Variants in PDZRN3 observed in about 807,000 individuals in gnomAD.
The protein encoded by PDZRN3 is E3 ubiquitin-protein ligase PDZRN3.
A neutral mutation model predicts 85.7 loss-of-function variants in PDZRN3; 38 were observed. The observed-to-expected ratio is 0.44, with a 90% CI of 0.34 to 0.58. The LOEUF (loss-of-function observed/expected upper bound fraction) is 0.58, where lower values mean the gene tolerates loss of function less well. Among genes scored for constraint, PDZRN3 ranks in the 20% least tolerant of loss-of-function variants. The probability of loss-of-function intolerance (pLI) is 0.01; values close to 1 mark genes in which losing one functional copy is unlikely to be tolerated. For missense variants in PDZRN3, 1,629 were observed against 1,506.4 expected (o/e 1.08, Z -1.35); for synonymous variants, 759 against 638.0 (o/e 1.19, Z -2.86).
chr3:73,560,954 G>A (rs1701803637), intron 3 of PDZRN3, among the ~76,000 whole-genome samples: 1 of 152,178 alleles, frequency 6.6e-6, no homozygotes, highest in African/African-American at 2.4e-5. Context: ...AGAGAAGCAG[G>A]GAAGACAAGG....
intron 5 of PDZRN3, among the ~76,000 whole-genome samples, chr3:73,395,308 T>C (rs1701612927): frequency 6.6e-6 from 1 of 152,266 alleles, no homozygotes; most frequent in Admixed American, 6.5e-5. Context: ...CAATATGTTA[T>C]CTGTCTGTGA....
chr3:73,439,816 G>T (rs985845616), intron 3 of PDZRN3, among the ~76,000 whole-genome samples: 2 of 151,684 alleles, frequency 1.3e-5, no homozygotes, highest in African/African-American at 4.9e-5. Flanking sequence ...TCGGCTCACT[G>T]CAACCTCCAC....
intron 3 of PDZRN3, among the ~76,000 whole-genome samples, chr3:73,420,264 C>A (rs1477352136): frequency 6.6e-6 from 1 of 152,182 alleles, no homozygotes; most frequent in Non-Finnish European, 1.5e-5. Context: ...CTGTTTTGTT[C>A]CCCTTGCACT....
chr3:73,470,654 T>C (rs184143461), intron 3 of PDZRN3, among the ~76,000 whole-genome samples: 40 of 152,324 alleles, frequency 2.6e-4, no homozygotes, highest in South Asian at 1.2e-3. Context: ...TGACAAGTCC[T>C]TCTGGAAACA....
chr3:73,512,325 A>T (rs1265274063), intron 3 of PDZRN3, among the ~76,000 whole-genome samples: 1 of 152,258 alleles, frequency 6.6e-6, no homozygotes, highest in African/African-American at 2.4e-5. Context: ...AGATGATTCT[A>T]AATTGTTCAT....
rs551778900 is a variant in PDZRN3, at chr3:73,610,363, G to A, written c.724-1679C>T. Among the ~76,000 whole-genome samples, 10 of 152,248 alleles carry A rather than the reference G, an allele frequency of 6.6e-5. No homozygotes were observed. In the South Asian group the frequency reaches 1.7e-3, roughly 25 times the overall value. On this transcript the variant is annotated intron_variant, in intron 1 of 9. Coordinates refer to ENST00000263666, the MANE Select transcript of PDZRN3 (RefSeq NM_015009.3). Reference sequence around the variant, plus strand: ...GCTATTGGTTTTTAAAAAATGTTCTGACAAACAGCACCACCATCAAAAGCA... The same window carrying A: ...GCTATTGGTTTTTAAAAAATGTTCTAACAAACAGCACCACCATCAAAAGCA...
intron 3 of PDZRN3, among the ~76,000 whole-genome samples, chr3:73,504,219 A>G (rs1033715463): frequency 3.9e-5 from 6 of 152,260 alleles, no homozygotes; most frequent in Non-Finnish European, 7.3e-5. Context: ...AGACTTAGTT[A>G]GCATGTGGTG....
chr3:73,458,359 C>G (rs1450074815), intron 3 of PDZRN3, among the ~76,000 whole-genome samples: 2 of 151,884 alleles, frequency 1.3e-5, no homozygotes, highest in Admixed American at 6.6e-5. Flanking sequence ...CCTCTAAGTA[C>G]TGGTTTCTTC....
intron 1 of PDZRN3, among the ~76,000 whole-genome samples, chr3:73,621,149 G>A (rs532440529): frequency 6.6e-6 from 1 of 152,190 alleles, no homozygotes; most frequent in Admixed American, 6.5e-5. Context: ...GCTCTCCAGT[G>A]ACTCCAATCA....
rs1168449952 is a variant in PDZRN3, at chr3:73,483,159, CT to C, written c.919-78765del. Among the ~76,000 whole-genome samples, 3 of 152,158 alleles carry C rather than the reference CT, an allele frequency of 2.0e-5. No homozygotes were observed. The East Asian group carries it at 5.8e-4, about 29-fold the overall frequency. ...GAGATACCAGGCATCTGAGTGGCTGCTCAAAGCACTCAGAAAGGAGAATGTC... is the reference window on the plus strand; with the variant it reads ...GAGATACCAGGCATCTGAGTGGCTGCCAAAGCACTCAGAAAGGAGAATGTC... On this transcript the variant is annotated intron_variant, in intron 3 of 9. Transcript: ENST00000263666.
intron 3 of PDZRN3, among the ~76,000 whole-genome samples, chr3:73,449,615 G>A (rs754938835): frequency 1.3e-5 from 2 of 152,116 alleles, no homozygotes. Context: ...TGTTAAATAA[G>A]CGAACAACGC....
chr3:73,385,071 C>G (rs977970415), intron 9 of PDZRN3, 141 bp from the exon 10 acceptor site: 2 of 909,960 alleles, frequency 2.2e-6, no homozygotes, highest in African/African-American at 1.7e-5. Context: ...AGTAGGACCA[C>G]GTCAATAGCG....
chr3:73,528,923 T>C (rs1293550999), intron 3 of PDZRN3, among the ~76,000 whole-genome samples: 2 of 148,410 alleles, frequency 1.3e-5, no homozygotes, highest in African/African-American at 5.1e-5. Flanking sequence ...CACACGCACA[T>C]GCACACACAG....
chr3:73,497,044 A>G (rs769446400), intron 3 of PDZRN3, among the ~76,000 whole-genome samples: 1 of 152,214 alleles, frequency 6.6e-6, no homozygotes, highest in Non-Finnish European at 1.5e-5. Context: ...AATGTGACTA[A>G]TACACACTTT....
chr3:73,533,466 T>A (rs1704706679), intron 3 of PDZRN3, among the ~76,000 whole-genome samples: 1 of 152,228 alleles, frequency 6.6e-6, no homozygotes, highest in East Asian at 1.9e-4. Context: ...TCAATCTTTT[T>A]TTTATTTTGA....
Position 73,384,945 on chromosome 3 carries a change from G to A in PDZRN3, c.1636-15C>T, listed in dbSNP as rs374686549. ...TCGTGCTTCTTCTGCATAAACACAA[G>A]AACAAAGGGTCACAGTGAGGGAGGC... On this transcript the variant is annotated splice_polypyrimidine_tract_variant and intron_variant, in intron 9 of 9. Transcript: ENST00000263666. 1.9e-6 allele frequency: 3 copies of A among 1,576,054 alleles called. No individual in the cohort carries two copies. The African/African-American group carries it at 4.1e-5, about 21-fold the overall frequency.
intron 3 of PDZRN3, among the ~76,000 whole-genome samples, chr3:73,430,168 A>G (rs963376221): frequency 2.6e-5 from 4 of 152,136 alleles, no homozygotes; most frequent in Non-Finnish European, 5.9e-5. Flanking sequence ...TGAAATAGGG[A>G]TGACAGTATC....
chr3:73,468,672 C>A (rs1429420566), intron 3 of PDZRN3, among the ~76,000 whole-genome samples: 1 of 152,078 alleles, frequency 6.6e-6, no homozygotes, highest in Non-Finnish European at 1.5e-5. Context: ...TTTAAATAAC[C>A]CCAACTGAGG....
rs2106668936 is a variant in PDZRN3 at position 73,384,640 on chromosome 3, C to G, written c.1926G>C (p.Glu642Asp). The part of the protein sequence containing the change: ...DADYLGIPVD[E>D]CERFRELLEL... ...CCAGGAGCTCGCGGAAGCGCTCGCA[C>G]TCGTCCACCGGGATCCCCAGGTAGT... Residue 642 changes from glutamate (E) to aspartate (D), a missense_variant, in exon 10 of 10, where the codon GAG becomes GAC. Transcript: ENST00000263666. 6.2e-7 allele frequency: 1 copy of G among 1,613,914 alleles called. No homozygotes were observed.
Sources: gnomAD v4.1 joint callset for allele counts (sites outside exome capture counted in the v4.1 genomes callset) on GRCh38, gnomAD v4.1.1 for gene constraint, MANE v1.5 for transcripts, NCBI Gene and HGNC (gene_info 2026-07-23, HGNC 2026-07-21) for gene names.